FAM120A: variants seen among roughly 807,000 people sequenced by gnomAD.
The protein encoded by FAM120A is family with sequence similarity 120 member A.
Under a neutral mutation model 109.7 loss-of-function variants are expected in FAM120A, and 15 were observed. The ratio of observed to expected loss-of-function variants is 0.14; its 90% CI spans 0.09 to 0.21. FAM120A has a LOEUF of 0.21. FAM120A is among the 10% of genes least tolerant of loss of function. FAM120A has a pLI of 1.00. For synonymous variants in FAM120A, 493 were observed against 572.8 expected (o/e 0.86, Z 1.99); for missense variants, 899 against 1,439.3 (o/e 0.62, Z 6.07).
At chr9:93,560,243 G>A (rs1862425926) in intron 15 of FAM120A, among the ~76,000 whole-genome samples, 3 of 152,070 alleles carry the variant, frequency 2.0e-5, no homozygotes, top group Admixed American at 1.3e-4. Context: ...GCAGTGAGCC[G>A]TGATTGTGCC....
chr9:93,549,062 CAAA>C (rs1862002610), intron 11 of FAM120A, among the ~76,000 whole-genome samples: 1 of 150,256 alleles, frequency 6.7e-6, no homozygotes, highest in Non-Finnish European at 1.5e-5. Flanking sequence ...AAAACAAAAA[CAAA>C]CCAAAAAAAA....
intron 1 of FAM120A, among the ~76,000 whole-genome samples, chr9:93,466,539 C>G (rs1215051586): frequency 4.0e-5 from 6 of 151,666 alleles, no homozygotes; most frequent in African/African-American, 1.2e-4. Context: ...AAGAGAAGCC[C>G]CGGTTCTTTG....
intron 7 of FAM120A, among the ~76,000 whole-genome samples, chr9:93,519,391 A>G (rs1187181720): frequency 6.6e-6 from 1 of 151,994 alleles, no homozygotes; most frequent in Non-Finnish European, 1.5e-5. Context: ...ACAGTTGCCT[A>G]CTACCATGCC....
chr9:93,498,035 G>T lies in FAM120A; in HGVS notation c.933+436G>T, dbSNP rs371262177. Among the ~76,000 whole-genome samples, 12 of 152,280 alleles carry T rather than the reference G, an allele frequency of 7.9e-5. No individual in the cohort carries two copies. The East Asian group carries it at 2.1e-3, about 27-fold the overall frequency. On this transcript the variant is annotated intron_variant, in intron 4 of 17. Transcript: ENST00000277165. This position sits in a 1 kb window ranked among gnomAD's most constrained non-coding sequence, Gnocchi z 4.4. ...ATTTTCTTCTTTTTTGGGGAAGTAG[G>T]TGTGCCAACAAGTTGGCATCAGTAG...
In FAM120A at chr9:93,451,892, CGCG is replaced by C; in HGVS notation, c.-23_-21del. On this transcript the variant is annotated 5_prime_UTR_variant, in exon 1 of 18. Coordinates refer to ENST00000277165, the MANE Select transcript of FAM120A (RefSeq NM_014612.5). The stretch of plus-strand genomic sequence containing the variant: ...GGCCCCGCCGCCCCCCGCCCGCACC[CGCG>C]CCCGCGCCCCCGCCGCCGCCATGGG... 1 of 1,248,050 alleles carries C rather than the reference CGCG, an allele frequency of 8.0e-7. No individual in the cohort carries two copies. The highest frequency in any genetic ancestry group is 1.0e-6 in the Non-Finnish European group (1 of 999,722). 77.3% of individuals were successfully genotyped at this position (1,248,050 alleles called of 1,614,324 possible). A position where few individuals can be genotyped will look rare whatever the true frequency, so the allele number is the denominator to read the frequency against.
At chr9:93,510,045 G>A (rs1297270966) in intron 5 of FAM120A, among the ~76,000 whole-genome samples, 5 of 152,120 alleles carry the variant, frequency 3.3e-5, no homozygotes, top group African/African-American at 7.2e-5. Context: ...GTTAAGCCCC[G>A]GAGGCTGACA....
At chr9:93,503,935 G>C (rs1224665166) in intron 5 of FAM120A, among the ~76,000 whole-genome samples, 1 of 152,090 alleles carries the variant, frequency 6.6e-6, no homozygotes, top group East Asian at 1.9e-4. Flanking sequence ...AAATAAGAGA[G>C]GAGTTACCGT....
intron 1 of FAM120A, among the ~76,000 whole-genome samples, chr9:93,468,522 A>G (rs980129334): frequency 1.3e-5 from 2 of 152,158 alleles, no homozygotes; most frequent in Non-Finnish European, 2.9e-5. Context: ...TTTTCTTTTA[A>G]AAGAGGATTT....
chr9:93,526,210 G>A (rs1424557882), intron 7 of FAM120A, among the ~76,000 whole-genome samples: 1 of 152,210 alleles, frequency 6.6e-6, no homozygotes, highest in Non-Finnish European at 1.5e-5. Flanking sequence ...TGAGGTTCCA[G>A]TGTGGTGCTG....
chr9:93,453,142 G>T, intron 1 of FAM120A: 3 of 1,004,470 alleles, frequency 3.0e-6, no homozygotes, highest in Non-Finnish European at 3.6e-6. Context: ...CCATGCGAAA[G>T]GAGTCGCTCA....
At chr9:93,466,379 T>C (rs942414768) in intron 1 of FAM120A, among the ~76,000 whole-genome samples, 1 of 152,180 alleles carries the variant, frequency 6.6e-6, no homozygotes, top group East Asian at 1.9e-4. Flanking sequence ...CTTGCTTGCA[T>C]TGTCCTGGCT....
rs1859647732 is a variant in FAM120A at position 93,498,090 on chromosome 9, G to A, written c.933+491G>A. Among the ~76,000 whole-genome samples the A allele has an allele frequency of 6.6e-6, 1 of 152,150 alleles. No homozygotes were observed. The highest frequency in any genetic ancestry group is 1.5e-5 in the Non-Finnish European group (1 of 68,030). On this transcript the variant is annotated intron_variant, in intron 4 of 17. Coordinates refer to ENST00000277165, the MANE Select transcript of FAM120A (RefSeq NM_014612.5). This position sits in a 1 kb window ranked among gnomAD's most constrained non-coding sequence, Gnocchi z 4.4. ...GGCAAGGCTCTGTGAAACTCCTGCT[G>A]TGTCTCTAGAGAGCTGAAATGCAGC...
At position 93,453,642 on chromosome 9, in the gene FAM120A, C is replaced by T. The variant is rs970268299; in HGVS notation, c.474+1253C>T. 6.1e-6 allele frequency: 6 copies of T among 985,282 alleles called. No individual in the cohort carries two copies. The African/African-American group carries it at 8.7e-5, about 14-fold the overall frequency. The allele number at this position is 985,282 out of a possible 1,614,324, so 61.0% of individuals were successfully genotyped here. On this transcript the variant is annotated intron_variant, in intron 1 of 17. Coordinates refer to ENST00000277165, the MANE Select transcript of FAM120A (RefSeq NM_014612.5). Reference sequence around the variant, plus strand: ...GCAATTGGTGAGATGGTGTTTAAGTCGTGGGTGGAGGCGGCCGGCAGAGTC... The same window carrying T: ...GCAATTGGTGAGATGGTGTTTAAGTTGTGGGTGGAGGCGGCCGGCAGAGTC...
chr9:93,505,209 C>T (rs1160817007), intron 5 of FAM120A, among the ~76,000 whole-genome samples: 1 of 151,876 alleles, frequency 6.6e-6, no homozygotes, highest in East Asian at 1.9e-4. Flanking sequence ...TACAGGCACT[C>T]GCCACCACGC....
intron 1 of FAM120A, among the ~76,000 whole-genome samples, chr9:93,456,639 A>G (rs1479599335): frequency 6.6e-6 from 1 of 152,184 alleles, no homozygotes; most frequent in Non-Finnish European, 1.5e-5. Flanking sequence ...ATGTGTAAAA[A>G]CAGGATCTAG....
At chr9:93,544,480 A>G (rs1415505304) in intron 11 of FAM120A, among the ~76,000 whole-genome samples, 1 of 152,206 alleles carries the variant, frequency 6.6e-6, no homozygotes, top group Non-Finnish European at 1.5e-5. Flanking sequence ...TTGAGTTGGG[A>G]TACATACTGG....
At chr9:93,550,131 C>T (rs1715245353) in intron 11 of FAM120A, among the ~76,000 whole-genome samples, 9 of 152,212 alleles carry the variant, frequency 5.9e-5, no homozygotes, top group Admixed American at 5.9e-4. Flanking sequence ...CATGGACCTG[C>T]AGCTGCAGAG....
Position 93,523,163 on chromosome 9 carries a change from G to A in FAM120A, c.1419-3992G>A, listed in dbSNP as rs200929755. 1.9e-4 allele frequency: 72 copies of A among 373,876 alleles called. No individual in the cohort carries two copies. In the East Asian group the frequency reaches 5.6e-3, roughly 29 times the overall value. The allele number at this position is 373,876 out of a possible 1,614,324, so 23.2% of individuals were successfully genotyped here. ...TCAGAACACTGATGTGGTTTTTAAT[G>A]TAAAATAGCTAAAAGAATTTTATTT... On this transcript the variant is annotated intron_variant, in intron 7 of 17. Transcript: ENST00000277165.
At chr9:93,501,739 G>C (rs1859812218) in intron 5 of FAM120A, among the ~76,000 whole-genome samples, 1 of 152,226 alleles carries the variant, frequency 6.6e-6, no homozygotes, top group Non-Finnish European at 1.5e-5. Flanking sequence ...AGCCTGGAGA[G>C]AGGCTTCAGG....
Sources: allele counts gnomAD v4.1 joint callset (sites outside exome capture counted in the v4.1 genomes callset), GRCh38; gene constraint gnomAD v4.1.1; non-coding constraint Gnocchi (gnomAD v3.1); transcripts MANE v1.5; gene names NCBI Gene and HGNC (gene_info 2026-07-23, HGNC 2026-07-21).